The following SSBP3 variants were observed in gnomAD, a reference collection of about 807,000 sequenced individuals.
SSBP3 encodes single stranded DNA binding protein 3.
In SSBP3, 5 loss-of-function variants were observed where a neutral mutation model predicts 69.6. The observed-to-expected ratio is 0.07, with a 90% confidence interval of 0.04 to 0.15. The LOEUF (loss-of-function observed/expected upper bound fraction) is 0.15. Among genes scored for constraint, SSBP3 ranks in the 10% least tolerant of loss-of-function variants. The pLI is 1.00. For missense variants in SSBP3, 312 were observed against 534.0 expected, an observed-to-expected ratio of 0.58 and a Z score of 4.10; for synonymous variants, 196 against 193.4, an observed-to-expected ratio of 1.01 and a Z score of -0.11.
chr1:54,257,532 G>T (rs548715214), intron 6 of SSBP3, among the ~76,000 whole-genome samples: 1 of 152,136 alleles, frequency 6.6e-6, no homozygotes, highest in African/African-American at 2.4e-5. Flanking sequence ...GGGTAAGAAG[G>T]ACTGATACGT....
At chr1:54,305,812 G>A (rs2100224318) in intron 4 of SSBP3, among the ~76,000 whole-genome samples, 1 of 149,622 alleles carries the variant, frequency 6.7e-6, no homozygotes, top group East Asian at 2.0e-4. Flanking sequence ...CTCTCGCTTG[G>A]ATTTGGGGCT....
chr1:54,385,997 T>C (rs1648050776), intron 4 of SSBP3, among the ~76,000 whole-genome samples: 1 of 152,172 alleles, frequency 6.6e-6, no homozygotes, highest in African/African-American at 2.4e-5. Flanking sequence ...ACCCACAGCT[T>C]TAAATATTGC....
At chr1:54,355,831 C>T (rs1646854118) in intron 4 of SSBP3, among the ~76,000 whole-genome samples, 1 of 152,318 alleles carries the variant, frequency 6.6e-6, no homozygotes, top group East Asian at 1.9e-4. Flanking sequence ...CTATCCACAC[C>T]TCCCGCTTTG....
rs143098011 is a variant in SSBP3 at position 54,378,864 on chromosome 1, G to A, written c.276+22997C>T. 3.2e-4 allele frequency among the ~76,000 whole-genome samples: 49 copies of A among 152,314 alleles called. No homozygotes were observed. The East Asian group carries it at 7.5e-3, about 23-fold the overall frequency. ...AAGAGAGCCCGCTTTATCCTCCTCC[G>A]AGGAAGGAACTCCCCATTTAGTCAA... On this transcript the variant is annotated intron_variant, in intron 4 of 17. Coordinates refer to ENST00000610401, the Ensembl canonical transcript of SSBP3.
chr1:54,233,080 A>T (rs934348608), intron 14 of SSBP3, among the ~76,000 whole-genome samples: 6 of 128,158 alleles, frequency 4.7e-5, no homozygotes, highest in Non-Finnish European at 9.8e-5. Flanking sequence ...CTGGCTGCCC[A>T]CTCTGGAAAG....
chr1:54,352,166 C>A (rs1646790830), intron 4 of SSBP3, among the ~76,000 whole-genome samples: 1 of 147,188 alleles, frequency 6.8e-6, no homozygotes, highest in Non-Finnish European at 1.5e-5. Context: ...AACCCCACCC[C>A]CGCCCCCCAA....
intron 7 of SSBP3, 96 bp from the exon 8 acceptor site, chr1:54,251,956 C>A: frequency 9.8e-7 from 1 of 1,024,224 alleles, no homozygotes; most frequent in Admixed American, 1.9e-5. Context: ...CCCGTGTGAT[C>A]ACGTGGAGCC....
At position 54,371,085 on chromosome 1, in the gene SSBP3, G is replaced by T. The variant is rs117839245; in HGVS notation, c.276+30776C>A. ...GACTGCTGCCAGAAGACCACCCAAGGGGGGGTATGCTGAAGGGCCACGAGA... is the reference window on the plus strand; with the variant it reads ...GACTGCTGCCAGAAGACCACCCAAGTGGGGGTATGCTGAAGGGCCACGAGA... On this transcript the variant is annotated intron_variant, in intron 4 of 17. Coordinates refer to ENST00000610401, the Ensembl canonical transcript of SSBP3. Among the ~76,000 whole-genome samples the T allele has an allele frequency of 8.1e-4, 124 of 152,254 alleles. 1 individual carries two copies. The East Asian group carries it at 0.023, about 28-fold the overall frequency.
At chr1:54,348,752 G>A (rs1436888337) in intron 4 of SSBP3, among the ~76,000 whole-genome samples, 4 of 152,224 alleles carry the variant, frequency 2.6e-5, no homozygotes, top group Non-Finnish European at 4.4e-5. Context: ...CCCCACCATA[G>A]ATACAGCTCA....
At chr1:54,390,976 C>T (rs1351829769) in intron 4 of SSBP3, among the ~76,000 whole-genome samples, 3 of 152,346 alleles carry the variant, frequency 2.0e-5, no homozygotes, top group Non-Finnish European at 4.4e-5. Context: ...CCCTCAGCAC[C>T]GGCTGGATGG....
intron 5 of SSBP3, among the ~76,000 whole-genome samples, chr1:54,280,697 C>T (rs1473895221): frequency 6.9e-6 from 1 of 144,618 alleles, no homozygotes; most frequent in East Asian, 1.9e-4. Flanking sequence ...TCACATGAAC[C>T]GCCGAGGAGA....
At chr1:54,354,212 C>T (rs1045344928) in intron 4 of SSBP3, among the ~76,000 whole-genome samples, 5 of 152,244 alleles carry the variant, frequency 3.3e-5, no homozygotes, top group Non-Finnish European at 7.3e-5. Flanking sequence ...CTTTCTGCAG[C>T]ATCAGTGCAC....
chr1:54,290,866 C>T (rs1159889221), intron 4 of SSBP3, among the ~76,000 whole-genome samples: 1 of 152,164 alleles, frequency 6.6e-6, no homozygotes, highest in Non-Finnish European at 1.5e-5. Context: ...ATTTGTACAA[C>T]GTTGATTTTC....
intron 4 of SSBP3, among the ~76,000 whole-genome samples, chr1:54,320,834 A>G (rs1311030389): frequency 6.6e-6 from 1 of 152,230 alleles, no homozygotes; most frequent in Non-Finnish European, 1.5e-5. Flanking sequence ...AAACTGCAGC[A>G]ACTAGAACAG....
Position 54,396,193 on chromosome 1 carries a change from G to GAAAAAA in SSBP3, c.276+5662_276+5667dup, listed in dbSNP as rs59276509. On this transcript the variant is annotated intron_variant, in intron 4 of 17. Coordinates refer to ENST00000610401, the Ensembl canonical transcript of SSBP3. ...GGTGACAGAGTGAGACTCCATCTCA[G>GAAAAAA]AAAAAAAAAAAAAAAAAAAAAAAAA... Among the ~76,000 whole-genome samples the GAAAAAA allele has an allele frequency of 4.7e-4, 19 of 40,580 alleles. 1 individual carries two copies. Among genetic ancestry groups the GAAAAAA allele is most frequent in the East Asian group, 3.4e-3 (2 of 594 alleles). 26.6% of individuals were successfully genotyped at this position (40,580 alleles called of 152,430 possible).
chr1:54,372,073 T>C (rs1359947921), intron 4 of SSBP3, among the ~76,000 whole-genome samples: 1 of 152,226 alleles, frequency 6.6e-6, no homozygotes, highest in East Asian at 1.9e-4. Flanking sequence ...CCTGGGTTCC[T>C]GTCAGGCAAG....
chr1:54,408,389 T>C (rs919519475), upstream of SSBP3, among the ~76,000 whole-genome samples: 1 of 152,236 alleles, frequency 6.6e-6, no homozygotes, highest in East Asian at 1.9e-4. Context: ...CTCATACCCT[T>C]GCCCTGGACT....
At chr1:54,341,753 A>G (rs1646612069) in intron 4 of SSBP3, among the ~76,000 whole-genome samples, 1 of 151,558 alleles carries the variant, frequency 6.6e-6, no homozygotes, top group Non-Finnish European at 1.5e-5. Context: ...TGGGTACATG[A>G]CAGGAGGCCT....
At chr1:54,240,366 G>A (rs901874743) in intron 13 of SSBP3, among the ~76,000 whole-genome samples, 2 of 151,064 alleles carry the variant, frequency 1.3e-5, no homozygotes, top group African/African-American at 2.4e-5. Context: ...GCTGAGACAG[G>A]AGAATCGCTT....
Sources: gnomAD v4.1 joint callset for allele counts (sites outside exome capture counted in the v4.1 genomes callset) on GRCh38, gnomAD v4.1.1 for gene constraint, MANE v1.5 for transcripts, NCBI Gene and HGNC (gene_info 2026-07-23, HGNC 2026-07-21) for gene names.